Variants in MYO3B observed in about 807,000 individuals in gnomAD.
MYO3B encodes the protein myosin-IIIb.
Under a neutral mutation model 174.6 loss-of-function variants are expected in MYO3B, and 156 were observed. That is an observed-to-expected ratio of 0.89 (90% CI 0.78 to 1.02). The LOEUF (loss-of-function observed/expected upper bound fraction) is 1.02. Among genes scored for constraint, MYO3B ranks in the 50% least tolerant of loss-of-function variants. MYO3B has a pLI of 0.00. For missense variants in MYO3B, 1,632 were observed against 1,639.4 expected, an observed-to-expected ratio of 1.00 and a Z score of 0.08; for synonymous variants, 563 against 569.1, an observed-to-expected ratio of 0.99 and a Z score of 0.15.
intron 30 of MYO3B, among the ~76,000 whole-genome samples, chr2:170,522,253 T>C (rs1248363417): frequency 6.6e-6 from 1 of 152,140 alleles, no homozygotes. Flanking sequence ...CAACTCACAG[T>C]GGACATATAT....
chr2:170,627,742 TTC>T (rs2105364356), intron 32 of MYO3B, among the ~76,000 whole-genome samples: 1 of 152,366 alleles, frequency 6.6e-6, no homozygotes, highest in Admixed American at 6.5e-5. Flanking sequence ...TGGATGTCCT[TTC>T]TGTTTGTTAG....
intron 28 of MYO3B, among the ~76,000 whole-genome samples, chr2:170,504,070 C>T (rs900959133): frequency 3.3e-5 from 5 of 152,192 alleles, no homozygotes; most frequent in African/African-American, 1.2e-4. Flanking sequence ...CAAACATAAT[C>T]TCATTACAAG....
At chr2:170,317,198 G>A (rs2093781950) in intron 7 of MYO3B, among the ~76,000 whole-genome samples, 1 of 152,136 alleles carries the variant, frequency 6.6e-6, no homozygotes, top group African/African-American at 2.4e-5. Context: ...TTATTACCGA[G>A]AAACCAAATA....
intron 14 of MYO3B, among the ~76,000 whole-genome samples, chr2:170,391,314 T>G (rs543536442): frequency 8.5e-5 from 13 of 152,322 alleles, no homozygotes; most frequent in African/African-American, 3.1e-4. Context: ...ACCTTTTGCT[T>G]GTCGTAAAGT....
intron 7 of MYO3B, among the ~76,000 whole-genome samples, chr2:170,277,975 G>T (rs2093475817): frequency 6.6e-6 from 1 of 152,144 alleles, no homozygotes; most frequent in African/African-American, 2.4e-5. Flanking sequence ...GTGTGTGCCT[G>T]GAATAGGTTA....
intron 28 of MYO3B, among the ~76,000 whole-genome samples, chr2:170,511,101 C>T (rs1687952710): frequency 6.6e-6 from 1 of 151,100 alleles, no homozygotes; most frequent in South Asian, 2.1e-4. Context: ...ACTCTGTCGC[C>T]TAGGCTGGAG....
rs61527598 is a variant in MYO3B, at chr2:170,483,375, C to CTTTTTTT, written c.3015-15194_3015-15188dup. Among the ~76,000 whole-genome samples the CTTTTTTT allele has an allele frequency of 5.0e-3, 308 of 62,104 alleles. 37 individuals are homozygous for CTTTTTTT. The highest frequency in any genetic ancestry group is 0.029 in the Middle Eastern group (2 of 70). 40.7% of individuals were successfully genotyped at this position (62,104 alleles called of 152,430 possible). A position where few individuals can be genotyped will look rare whatever the true frequency, so the allele number is the denominator to read the frequency against. Reference sequence around the variant, plus strand: ...AATTAAAACTCCTTGCTTGGGGATTCTTTTTTTTTTTTTTTTTTTTTTTTT... The same window carrying CTTTTTTT: ...AATTAAAACTCCTTGCTTGGGGATTCTTTTTTTTTTTTTTTTTTTTTTTTTTTTTTTT... On this transcript the variant is annotated intron_variant, in intron 25 of 34. Transcript: ENST00000408978.
At chr2:170,186,895 C>T (rs1441977011) in intron 1 of MYO3B, among the ~76,000 whole-genome samples, 1 of 151,716 alleles carries the variant, frequency 6.6e-6, no homozygotes, top group Non-Finnish European at 1.5e-5. Flanking sequence ...TAGATTTTTC[C>T]AATTTATTGA....
intron 8 of MYO3B, among the ~76,000 whole-genome samples, chr2:170,343,071 ACACACACC>A (rs2093989015): frequency 7.1e-6 from 1 of 141,732 alleles, no homozygotes. Flanking sequence ...ACACACACAC[ACACACACC>A]CCTCTCCACC....
chr2:170,199,377 C>G lies in MYO3B; in HGVS notation c.172C>G (p.Leu58Val). 1 of 1,610,462 alleles carries G rather than the reference C, an allele frequency of 6.2e-7. No homozygotes were observed. The highest frequency in any genetic ancestry group is 8.5e-7 in the Non-Finnish European group (1 of 1,178,380). Residue 58 changes from leucine (L) to valine (V), a missense_variant, in exon 2 of 35, where the codon CTG (leucine) becomes GTG (valine). Transcript: ENST00000408978. ...RDGSLAAVKI[L>V]DPVSDMDEEI... ...TGGGAGCCTGGCTGCAGTGAAAATT[C>G]TGGATCCAGTCAGTGTAAGTAACAG...
At chr2:170,248,786 G>A (rs1398348445) in intron 7 of MYO3B, among the ~76,000 whole-genome samples, 1 of 152,136 alleles carries the variant, frequency 6.6e-6, no homozygotes, top group African/African-American at 2.4e-5. Context: ...TATTTTGTCA[G>A]CTGATTGGTA....
intron 7 of MYO3B, among the ~76,000 whole-genome samples, chr2:170,284,612 G>A (rs140530977): frequency 6.6e-6 from 1 of 152,254 alleles, no homozygotes; most frequent in African/African-American, 2.4e-5. Context: ...ATTTCCTGAG[G>A]AGAGTGGCCT....
chr2:170,180,149 G>A, intron 1 of MYO3B: 1 of 440,218 alleles, frequency 2.3e-6, no homozygotes, highest in Non-Finnish European at 4.6e-6. Flanking sequence ...CATTCACAGG[G>A]TGCATGCTGC....
chr2:170,480,816 A>G (rs1685643776), intron 25 of MYO3B, among the ~76,000 whole-genome samples: 1 of 152,218 alleles, frequency 6.6e-6, no homozygotes, highest in Non-Finnish European at 1.5e-5. Context: ...AGTGTTGATG[A>G]TTGTTGTAGT....
At chr2:170,296,380 G>A (rs2093628922) in intron 7 of MYO3B, among the ~76,000 whole-genome samples, 1 of 152,194 alleles carries the variant, frequency 6.6e-6, no homozygotes, top group South Asian at 2.1e-4. Context: ...AACCATTGGT[G>A]GTTAGTGGTA....
At chr2:170,182,238 T>G (rs1002294503) in intron 1 of MYO3B, among the ~76,000 whole-genome samples, 10 of 152,036 alleles carry the variant, frequency 6.6e-5, no homozygotes, top group African/African-American at 2.4e-4. Flanking sequence ...AAGACTATAA[T>G]GTATTTAGCT....
At chr2:170,353,013 T>A (rs1202776637) in intron 8 of MYO3B, among the ~76,000 whole-genome samples, 1 of 152,190 alleles carries the variant, frequency 6.6e-6, no homozygotes, top group Non-Finnish European at 1.5e-5. Context: ...CTTACAAAAG[T>A]AAACATATGC....
At chr2:170,585,255 G>T (rs1693422456) in intron 32 of MYO3B, among the ~76,000 whole-genome samples, 1 of 152,148 alleles carries the variant, frequency 6.6e-6, no homozygotes, top group South Asian at 2.1e-4. Flanking sequence ...GTTTCTACTA[G>T]CCTAAATAAT....
In MYO3B at chr2:170,234,188, CAAAACAAAACAA is replaced by C. The variant is rs1186040927; in HGVS notation, c.604-1798_604-1787del. Among the ~76,000 whole-genome samples, 38 of 19,258 alleles carry C rather than the reference CAAAACAAAACAA, an allele frequency of 2.0e-3. 2 individuals carry two copies. The highest frequency in any genetic ancestry group is 8.5e-3 in the African/African-American group (33 of 3,872). The allele number at this position is 19,258 out of a possible 152,430, so 12.6% of individuals were successfully genotyped here. A position where few individuals can be genotyped will look rare whatever the true frequency, so the allele number is the denominator to read the frequency against. ...TCCGTCTCAAAAAAAAAAAAAAAAA[CAAAACAAAACAA>C]AAAAAAAACACCTGTTTCTTAGTCT... On this transcript the variant is annotated intron_variant, in intron 6 of 34. Transcript: ENST00000408978.
Sources: gnomAD v4.1 joint callset for allele counts (sites outside exome capture counted in the v4.1 genomes callset) on GRCh38, gnomAD v4.1.1 for gene constraint, MANE v1.5 for transcripts, NCBI Gene and HGNC (gene_info 2026-07-23, HGNC 2026-07-21) for gene names.